The following JAZF1 variants were observed in gnomAD, a reference collection of about 807,000 sequenced individuals.
JAZF1 encodes juxtaposed with another zinc finger protein 1.
Under a neutral mutation model 26.4 loss-of-function variants are expected in JAZF1, and 8 were observed. The ratio of observed to expected loss-of-function variants is 0.30; its 90% CI spans 0.18 to 0.55. The LOEUF (loss-of-function observed/expected upper bound fraction) is 0.55, where lower values mean the gene tolerates loss of function less well. Among genes scored for constraint, JAZF1 ranks in the 20% least tolerant of loss-of-function variants. The pLI, the probability that JAZF1 is intolerant of heterozygous loss-of-function variation, is 0.94. For missense variants in JAZF1, 199 were observed against 322.0 expected, an observed-to-expected ratio of 0.62 and a Z score of 2.92; for synonymous variants, 126 against 122.3, an observed-to-expected ratio of 1.03 and a Z score of -0.20.
Position 27,979,556 on chromosome 7 carries a change from A to G in JAZF1, c.188+12353T>C, listed in dbSNP as rs534707384. 2.0e-4 allele frequency among the ~76,000 whole-genome samples: 30 copies of G among 151,942 alleles called. No individual in the cohort carries two copies. The South Asian group carries it at 3.3e-3, about 17-fold the overall frequency. ...GGTGTGAGCCACTGTGCCTAGGATC[A>G]TATCTTTAAGTTATGTCAGTTATCC... On this transcript the variant is annotated intron_variant, in intron 2 of 4. Coordinates refer to ENST00000283928, the MANE Select transcript of JAZF1 (RefSeq NM_175061.4).
At chr7:27,854,549 T>C (rs1783209908) in intron 3 of JAZF1, among the ~76,000 whole-genome samples, 1 of 152,228 alleles carries the variant, frequency 6.6e-6, no homozygotes, top group Non-Finnish European at 1.5e-5. Context: ...CAAGAGCTCT[T>C]GTAAGGCAGG....
chr7:27,992,272 T>C, intron 1 of JAZF1: 1 of 503,228 alleles, frequency 2.0e-6, no homozygotes. Context: ...TGCTTACAGT[T>C]ACAATGTTGG....
chr7:28,057,003 C>T (rs776142884), intron 1 of JAZF1, among the ~76,000 whole-genome samples: 77 of 152,238 alleles, frequency 5.1e-4, no homozygotes, highest in Non-Finnish European at 8.8e-4. Flanking sequence ...TTCTGGAACA[C>T]CTGAACAATG....
intron 1 of JAZF1, among the ~76,000 whole-genome samples, chr7:28,055,021 C>T (rs1342781411): frequency 6.6e-6 from 1 of 152,058 alleles, no homozygotes; most frequent in Admixed American, 6.6e-5. Context: ...ATGAACTATG[C>T]AATGGGTAAA....
At chr7:27,838,737 T>C (rs1405219245) in intron 4 of JAZF1, among the ~76,000 whole-genome samples, 1 of 152,186 alleles carries the variant, frequency 6.6e-6, no homozygotes, top group Non-Finnish European at 1.5e-5. Context: ...AGCTTTGGGA[T>C]GTAGGAGCAG....
Position 27,832,456 on chromosome 7 carries a change from C to CCT in JAZF1, c.*342_*343dup, listed in dbSNP as rs1458630567. On this transcript the variant is annotated 3_prime_UTR_variant, in exon 5 of 5. Transcript: ENST00000283928. ...TGAAAAAAAAATCTCAGTGCCAGCC[C>CCT]CTCCTCCCCCCAGGTTGATACCACC... 1 of 234,790 alleles carries CCT rather than the reference C, an allele frequency of 4.3e-6. No individual in the cohort carries two copies. Among genetic ancestry groups the CCT allele is most frequent in the East Asian group, 6.1e-5 (1 of 16,308 alleles). The allele number at this position is 234,790 out of a possible 1,614,324, so 14.5% of individuals were successfully genotyped here. A position where few individuals can be genotyped will look rare whatever the true frequency, so the allele number is the denominator to read the frequency against.
intron 2 of JAZF1, among the ~76,000 whole-genome samples, chr7:27,990,596 T>A (rs1228764179): frequency 6.6e-6 from 1 of 152,202 alleles, no homozygotes; most frequent in Non-Finnish European, 1.5e-5. Context: ...TTACCCAAAG[T>A]GACAGCCACA....
At chr7:28,019,086 C>T (rs1036805719) in intron 1 of JAZF1, among the ~76,000 whole-genome samples, 4 of 152,194 alleles carry the variant, frequency 2.6e-5, no homozygotes, top group Non-Finnish European at 5.9e-5. Context: ...ATCCTTGTGG[C>T]TCCTCTGTTT....
intron 4 of JAZF1, among the ~76,000 whole-genome samples, chr7:27,839,240 T>C (rs1420738160): frequency 6.6e-6 from 1 of 151,902 alleles, no homozygotes; most frequent in Non-Finnish European, 1.5e-5. Context: ...ATGGCCGAGG[T>C]GCAAGACACC....
chr7:27,957,777 G>A (rs1317764663), intron 2 of JAZF1, among the ~76,000 whole-genome samples: 6 of 152,184 alleles, frequency 3.9e-5, no homozygotes, highest in Non-Finnish European at 7.4e-5. Flanking sequence ...GCTAGACTAT[G>A]ACAAATCATA....
At chr7:27,868,336 C>T (rs1277903620) in intron 3 of JAZF1, among the ~76,000 whole-genome samples, 1 of 152,256 alleles carries the variant, frequency 6.6e-6, no homozygotes, top group South Asian at 2.1e-4. Context: ...TGGCCCATGC[C>T]TGCTCCTGCA....
chr7:27,902,113 G>C (rs1321317329), intron 2 of JAZF1, among the ~76,000 whole-genome samples: 2 of 152,082 alleles, frequency 1.3e-5, no homozygotes, highest in Non-Finnish European at 2.9e-5. Flanking sequence ...AGATTTTATT[G>C]TATTTACTGA....
chr7:27,840,443 A>G lies in JAZF1; in HGVS notation c.555+255T>C, dbSNP rs1237893624. Among the ~76,000 whole-genome samples, 1 of 152,256 alleles carries G rather than the reference A, an allele frequency of 6.6e-6. No homozygotes were observed. The highest frequency in any genetic ancestry group is 1.5e-5 in the Non-Finnish European group (1 of 68,042). Reference sequence around the variant, plus strand: ...TATCAAAGACATGATCCTCCTACAAAAGCTCTCTCTTGACTGCCAGGCTCC... The same window carrying G: ...TATCAAAGACATGATCCTCCTACAAGAGCTCTCTCTTGACTGCCAGGCTCC... On this transcript the variant is annotated intron_variant, in intron 4 of 4. Coordinates refer to ENST00000283928, the MANE Select transcript of JAZF1 (RefSeq NM_175061.4). This position sits in a 1 kb window ranked among gnomAD's most constrained non-coding sequence, Gnocchi z 5.1.
intron 1 of JAZF1, among the ~76,000 whole-genome samples, chr7:28,071,239 C>G (rs1038058593): frequency 6.6e-6 from 1 of 152,174 alleles, no homozygotes; most frequent in Non-Finnish European, 1.5e-5. Flanking sequence ...AGAGACTGTT[C>G]TAAGTCACAG....
intron 1 of JAZF1, among the ~76,000 whole-genome samples, chr7:28,137,959 T>C (rs1363906354): frequency 2.0e-5 from 3 of 152,170 alleles, no homozygotes; most frequent in Admixed American, 2.0e-4. Flanking sequence ...GTTAAGTGCC[T>C]TGCCCCAAGT....
At chr7:28,036,501 G>C (rs1316825890) in intron 1 of JAZF1, among the ~76,000 whole-genome samples, 1 of 152,184 alleles carries the variant, frequency 6.6e-6, no homozygotes. Context: ...AAATAGAAGT[G>C]GTAGAGTAAC....
chr7:28,096,493 T>G (rs1368573103), intron 1 of JAZF1, among the ~76,000 whole-genome samples: 3 of 152,220 alleles, frequency 2.0e-5, no homozygotes, highest in African/African-American at 7.2e-5. Flanking sequence ...ATAATCAAAT[T>G]AAATATTTTG....
intron 1 of JAZF1, among the ~76,000 whole-genome samples, chr7:28,011,005 G>A (rs1181627565): frequency 1.3e-5 from 2 of 152,194 alleles, no homozygotes; most frequent in Non-Finnish European, 2.9e-5. Context: ...ATCTCTGGTG[G>A]TAACTAGCGG....
At chr7:27,870,454 A>G (rs537355800) in intron 3 of JAZF1, among the ~76,000 whole-genome samples, 3 of 152,276 alleles carry the variant, frequency 2.0e-5, no homozygotes, top group African/African-American at 7.2e-5. Context: ...CACAAGTCCC[A>G]AGTATGCCAT....
Sources: gnomAD v4.1 joint callset for allele counts (sites outside exome capture counted in the v4.1 genomes callset) on GRCh38, gnomAD v4.1.1 for gene constraint, Gnocchi (gnomAD v3.1) non-coding constraint, MANE v1.5 for transcripts, NCBI Gene and HGNC (gene_info 2026-07-23, HGNC 2026-07-21) for gene names.